Variants in FBXL5 observed in about 807,000 individuals in gnomAD.
FBXL5 encodes F-box/LRR-repeat protein 5.
Under a neutral mutation model 78.3 loss-of-function variants are expected in FBXL5, and 26 were observed. That is an observed-to-expected ratio of 0.33 (90% CI 0.24 to 0.46). The LOEUF is 0.46. FBXL5 is among the 20% of genes least tolerant of loss of function. The probability of loss-of-function intolerance (pLI) is 1.00; values close to 1 mark genes in which losing one functional copy is unlikely to be tolerated. For missense variants in FBXL5, 710 were observed against 829.2 expected, an observed-to-expected ratio of 0.86 and a Z score of 1.77; for synonymous variants, 295 against 282.5, an observed-to-expected ratio of 1.04 and a Z score of -0.45.
At chr4:15,635,037 A>C (rs1175845791) in intron 5 of FBXL5, among the ~76,000 whole-genome samples, 1 of 152,210 alleles carries the variant, frequency 6.6e-6, no homozygotes, top group Non-Finnish European at 1.5e-5. Flanking sequence ...CTTATTTTAA[A>C]AGTACTATAC....
intron 1 of FBXL5, among the ~76,000 whole-genome samples, chr4:15,669,165 G>A (rs1285885379): frequency 6.6e-6 from 1 of 152,114 alleles, no homozygotes; most frequent in East Asian, 1.9e-4. Flanking sequence ...CTAGGCCATT[G>A]TCACTGCCCA....
At chr4:15,650,149 G>A (rs1255544995) in intron 1 of FBXL5, among the ~76,000 whole-genome samples, 1 of 152,118 alleles carries the variant, frequency 6.6e-6, no homozygotes, top group African/African-American at 2.4e-5. Context: ...GACACCTAGT[G>A]GATAAAACCC....
chr4:15,663,590 G>T (rs147715832), upstream of FBXL5, among the ~76,000 whole-genome samples: 250 of 152,288 alleles, frequency 1.6e-3, no homozygotes, highest in African/African-American at 5.9e-3. Flanking sequence ...TCACTATTCT[G>T]CTCACTCATC....
At chr4:15,608,500 C>G (rs987756231) in intron 10 of FBXL5, among the ~76,000 whole-genome samples, 3 of 151,446 alleles carry the variant, frequency 2.0e-5, no homozygotes, top group Non-Finnish European at 4.4e-5. Flanking sequence ...AAGCACAAAC[C>G]TACTGTCAGC....
Position 15,604,533 on chromosome 4 carries a change from G to A in FBXL5, c.*1190C>T, listed in dbSNP as rs951627129. ...TACTCCAAGAATTATCACAATATACGAGACATGAAAGGAGAAGTTTTATTG... is the reference window on the plus strand; with the variant it reads ...TACTCCAAGAATTATCACAATATACAAGACATGAAAGGAGAAGTTTTATTG... On this transcript the variant is annotated 3_prime_UTR_variant, in exon 11 of 11. Transcript: ENST00000341285. The A allele has an allele frequency of 3.3e-5, 5 of 152,036 alleles. No homozygotes were observed. Among genetic ancestry groups the A allele is most frequent in the African/African-American group, 9.7e-5 (4 of 41,396 alleles). 9.4% of individuals were successfully genotyped at this position (152,036 alleles called of 1,614,324 possible). A position where few individuals can be genotyped will look rare whatever the true frequency, so the allele number is the denominator to read the frequency against.
chr4:15,655,494 G>A (rs1026823633), upstream of FBXL5: 294 of 602,280 alleles, frequency 4.9e-4, no homozygotes, highest in Non-Finnish European at 5.9e-4. Context: ...CGCGCGCAGA[G>A]GCTCGCGGCT....
intron 9 of FBXL5, among the ~76,000 whole-genome samples, chr4:15,620,704 A>C (rs1331555329): frequency 6.6e-6 from 1 of 152,246 alleles, no homozygotes; most frequent in Non-Finnish European, 1.5e-5. Context: ...TCTCTGCAGC[A>C]CTGTGACATG....
chr4:15,633,658 G>C (rs1713924112), intron 5 of FBXL5, among the ~76,000 whole-genome samples: 1 of 152,054 alleles, frequency 6.6e-6, no homozygotes. Flanking sequence ...CAATGGCACA[G>C]TCTCCGCTCA....
chr4:15,675,345 AT>A (rs1717945051), intron 1 of FBXL5, among the ~76,000 whole-genome samples: 1 of 152,232 alleles, frequency 6.6e-6, no homozygotes, highest in African/African-American at 2.4e-5. Context: ...AGTACCACAA[AT>A]AAAAATTATT....
rs1333861437 is a variant in FBXL5, at chr4:15,678,680, T to A, written c.-284+2703A>T. 5.3e-5 allele frequency among the ~76,000 whole-genome samples: 8 copies of A among 152,350 alleles called. No individual in the cohort carries two copies. The East Asian group carries it at 1.5e-3, about 29-fold the overall frequency. On this transcript the variant is annotated intron_variant, in intron 1 of 4. Transcript: ENST00000507899. ...TAAGTATATTTACCTAAAATTGGTT[T>A]CTTATAATTTTAAATGTAAGCTATT...
chr4:15,675,003 C>T (rs1717931452), intron 1 of FBXL5, among the ~76,000 whole-genome samples: 1 of 151,976 alleles, frequency 6.6e-6, no homozygotes, highest in African/African-American at 2.4e-5. Flanking sequence ...TCATTGTTTG[C>T]ACAAATTCCC....
intron 1 of FBXL5, among the ~76,000 whole-genome samples, chr4:15,674,372 T>C (rs1469305736): frequency 6.6e-6 from 1 of 152,166 alleles, no homozygotes; most frequent in African/African-American, 2.4e-5. Flanking sequence ...GTACTGGGTA[T>C]GTGAGAACTG....
intron 1 of FBXL5, among the ~76,000 whole-genome samples, chr4:15,647,794 T>G (rs181328574): frequency 6.6e-6 from 1 of 152,326 alleles, no homozygotes; most frequent in African/African-American, 2.4e-5. Context: ...TTACATTTCT[T>G]TGTACCTCAG....
intron 9 of FBXL5, among the ~76,000 whole-genome samples, chr4:15,623,143 CAAACA>C (rs200674499): frequency 0.015 from 2,246 of 152,150 alleles, 55 homozygotes; most frequent in African/African-American, 0.051. Context: ...CTTTGGTATT[CAAACA>C]AAACGTTACA....
intron 1 of FBXL5, among the ~76,000 whole-genome samples, chr4:15,649,355 G>A (rs1210437251): frequency 1.3e-5 from 2 of 151,882 alleles, no homozygotes; most frequent in South Asian, 2.1e-4. Flanking sequence ...CGAGGCAGGC[G>A]GATCACAAGG....
At chr4:15,655,756 T>G (rs556806445), upstream of FBXL5, among the ~76,000 whole-genome samples, 3 of 152,172 alleles carry the variant, frequency 2.0e-5, no homozygotes, top group Non-Finnish European at 4.4e-5. Context: ...CGACGCCTGC[T>G]TGGCCTGGGT....
At chr4:15,607,852 T>A (rs1199244406) in intron 10 of FBXL5, among the ~76,000 whole-genome samples, 1 of 152,186 alleles carries the variant, frequency 6.6e-6, no homozygotes, top group Non-Finnish European at 1.5e-5. Flanking sequence ...CATTCTAAAT[T>A]TTTTTAAAGA....
At chr4:15,617,708 C>G (rs1712052956) in intron 9 of FBXL5, among the ~76,000 whole-genome samples, 1 of 152,134 alleles carries the variant, frequency 6.6e-6, no homozygotes, top group Non-Finnish European at 1.5e-5. Context: ...AACACAGGAA[C>G]AGAAAACCAA....
chr4:15,623,736 A>T (rs1712715757), intron 9 of FBXL5, among the ~76,000 whole-genome samples: 1 of 152,210 alleles, frequency 6.6e-6, no homozygotes, highest in Non-Finnish European at 1.5e-5. Context: ...TAATGAAATG[A>T]TTCACAGCAG....
Sources: gnomAD v4.1 joint callset for allele counts (sites outside exome capture counted in the v4.1 genomes callset) on GRCh38, gnomAD v4.1.1 for gene constraint, MANE v1.5 for transcripts, NCBI Gene and HGNC (gene_info 2026-07-23, HGNC 2026-07-21) for gene names.